Variants in SLC14A2 observed in about 807,000 individuals in gnomAD.
SLC14A2 encodes the protein urea transporter 2.
In SLC14A2, 91 loss-of-function variants were observed where a neutral mutation model predicts 104.6. The observed-to-expected ratio is 0.87, with a 90% CI of 0.73 to 1.04. The LOEUF is 1.04. Ranked by LOEUF, SLC14A2 falls within the 50% of genes least tolerant of loss-of-function variation. The pLI, the probability that SLC14A2 is intolerant of heterozygous loss-of-function variation, is 0.00. For synonymous variants in SLC14A2, 476 were observed against 466.4 expected (o/e 1.02, Z -0.27); for missense variants, 1,189 against 1,156.0 (o/e 1.03, Z -0.41).
intron 1 of SLC14A2, among the ~76,000 whole-genome samples, chr18:45,257,715 G>A (rs1421704497): frequency 2.6e-5 from 4 of 152,108 alleles, no homozygotes; most frequent in African/African-American, 4.8e-5. Flanking sequence ...TGTGCCCTGC[G>A]GAGAAGGTAT....
At chr18:45,283,672 G>A (rs1215070575) in intron 1 of SLC14A2, among the ~76,000 whole-genome samples, 3 of 152,180 alleles carry the variant, frequency 2.0e-5, no homozygotes, top group African/African-American at 7.2e-5. Flanking sequence ...TCTCCATTGT[G>A]TTTGCTTCTT....
intron 1 of SLC14A2, among the ~76,000 whole-genome samples, chr18:45,328,683 T>C (rs1393663031): frequency 6.6e-6 from 1 of 152,230 alleles, no homozygotes; most frequent in Non-Finnish European, 1.5e-5. Flanking sequence ...TTACATGTTA[T>C]GTAAGAAGCA....
chr18:45,635,035 GA>G (rs879282128), intron 5 of SLC14A2: 8,543 of 242,262 alleles, frequency 0.035, 1 homozygote, highest in South Asian at 0.072. Flanking sequence ...CCAAGGAGAG[GA>G]AAAAAAAAAA....
Position 45,673,038 on chromosome 18 carries a change from A to T in SLC14A2, c.2368A>T (p.Met790Leu), listed in dbSNP as rs1001977917. The T allele has an allele frequency of 2.5e-6, 4 of 1,613,888 alleles. No individual in the cohort carries two copies. Among genetic ancestry groups the T allele is most frequent in the Non-Finnish European group, 2.5e-6 (3 of 1,179,874 alleles). ...TGCAGCAATTGGATCCACCATGGGG[A>T]TGCTAGCAGGTCTGTGTCCTCACTT... The part of the protein sequence containing the change: ...LHAAIGSTMG[M>L]LAALTIATPF... The change falls in exon 17 of 20, where the codon ATG (methionine) becomes TTG (leucine). Residue 790 changes from methionine to leucine, a missense_variant. Met to Leu is a conservative substitution (Grantham distance 15, BLOSUM62 2). Transcript: ENST00000255226.
At chr18:45,492,884 T>G (rs568401474) in intron 2 of SLC14A2, among the ~76,000 whole-genome samples, 2 of 152,362 alleles carry the variant, frequency 1.3e-5, no homozygotes, top group East Asian at 3.9e-4. Context: ...TGCTTCAAAC[T>G]TTAGTCAAAC....
intron 2 of SLC14A2, among the ~76,000 whole-genome samples, chr18:45,524,106 T>C (rs1403517565): frequency 6.6e-6 from 1 of 152,118 alleles, no homozygotes; most frequent in African/African-American, 2.4e-5. Flanking sequence ...GTAACAAGTA[T>C]AAAGCACCTG....
the SLC14A2 span, among the ~76,000 whole-genome samples, chr18:45,179,310 C>T: frequency 1.3e-5 from 2 of 152,156 alleles, no homozygotes; most frequent in Non-Finnish European, 2.9e-5. Flanking sequence ...GGCCTTCTGT[C>T]ATCGCACTGG....
At chr18:45,290,848 A>G (rs1336603267) in intron 1 of SLC14A2, among the ~76,000 whole-genome samples, 4 of 152,214 alleles carry the variant, frequency 2.6e-5, no homozygotes, top group Non-Finnish European at 5.9e-5. Flanking sequence ...TCTATGGAAA[A>G]TAGAACACAG....
At chr18:45,373,647 G>A (rs1460154618) in intron 1 of SLC14A2, among the ~76,000 whole-genome samples, 6 of 152,174 alleles carry the variant, frequency 3.9e-5, no homozygotes, top group Admixed American at 3.9e-4. Flanking sequence ...ACTCAGTCTT[G>A]TGTTTATATA....
intron 1 of SLC14A2, among the ~76,000 whole-genome samples, chr18:45,214,814 G>A (rs12327529): frequency 0.11 from 16,068 of 150,734 alleles, 883 homozygotes; most frequent in Non-Finnish European, 0.12. Context: ...GAACACTTAC[G>A]GTCTGTGGAT....
chr18:45,564,978 C>T (rs1162213816), intron 2 of SLC14A2, among the ~76,000 whole-genome samples: 1 of 151,934 alleles, frequency 6.6e-6, no homozygotes, highest in Admixed American at 6.6e-5. Context: ...GATGGGAAGG[C>T]CCAGGAAGTC....
intron 1 of SLC14A2, among the ~76,000 whole-genome samples, chr18:45,249,249 T>C (rs1479487762): frequency 6.6e-6 from 1 of 152,010 alleles, no homozygotes; most frequent in African/African-American, 2.4e-5. Flanking sequence ...TAAAAACTAT[T>C]ATAAAATTTT....
At chr18:45,471,404 A>G (rs1430794847) in intron 1 of SLC14A2, among the ~76,000 whole-genome samples, 1 of 152,050 alleles carries the variant, frequency 6.6e-6, no homozygotes, top group Non-Finnish European at 1.5e-5. Context: ...GAGACGGTTT[A>G]TGTTTTGTTT....
At chr18:45,405,013 G>A (rs551822478) in intron 1 of SLC14A2, among the ~76,000 whole-genome samples, 51 of 152,266 alleles carry the variant, frequency 3.3e-4, no homozygotes, top group African/African-American at 1.2e-3. Context: ...AACTTCTAGG[G>A]CTCTCCAGCA....
chr18:45,586,948 A>G (rs1465743124), intron 2 of SLC14A2, among the ~76,000 whole-genome samples: 1 of 152,122 alleles, frequency 6.6e-6, no homozygotes, highest in African/African-American at 2.4e-5. Flanking sequence ...GAGTAAGAAT[A>G]ACTGTCCTTA....
At chr18:45,236,139 A>ATATATACATATATGTGTGTATATATGTG (rs2084237996) in intron 1 of SLC14A2, among the ~76,000 whole-genome samples, 2 of 57,730 alleles carry the variant, frequency 3.5e-5, no homozygotes, top group Admixed American at 2.2e-4. Context: ...GTATATATGT[A>ATATATACATATATGTGTGTATATATGTG]TATATACATA....
intron 1 of SLC14A2, among the ~76,000 whole-genome samples, chr18:45,328,707 A>G (rs2085260060): frequency 6.6e-6 from 1 of 152,228 alleles, no homozygotes; most frequent in Admixed American, 6.5e-5. Context: ...GCTTAACACT[A>G]AAGATGGGAG....
the SLC14A2 span, among the ~76,000 whole-genome samples, chr18:45,168,167 A>G: frequency 1.3e-5 from 2 of 152,210 alleles, no homozygotes; most frequent in African/African-American, 4.8e-5. Flanking sequence ...TGTCATCCTC[A>G]TCAAGCTTTA....
Position 45,644,033 on chromosome 18 carries a change from C to A in SLC14A2, c.1224C>A (p.Ile408=). Reference sequence around the variant, plus strand: ...GGGCCTTCTGCCTTGCCACCATCATCTTCCTGCTCCTGACGACAAACAACC... The same window carrying A: ...GGGCCTTCTGCCTTGCCACCATCATATTCCTGCTCCTGACGACAAACAACC... ...GTWAFCLATI[I]FLLLTTNNPA... The change falls in exon 10 of 20, where the codon ATC becomes ATA. Residue 408 remains isoleucine (I), a synonymous_variant. Transcript: ENST00000255226. 1 of 1,614,242 alleles carries A rather than the reference C, an allele frequency of 6.2e-7. No individual in the cohort carries two copies. The highest frequency in any genetic ancestry group is 8.5e-7 in the Non-Finnish European group (1 of 1,180,030).
Sources: gnomAD v4.1 joint callset for allele counts (sites outside exome capture counted in the v4.1 genomes callset) on GRCh38, gnomAD v4.1.1 for gene constraint, MANE v1.5 for transcripts, NCBI Gene and HGNC (gene_info 2026-07-23, HGNC 2026-07-21) for gene names.